Variants in AGBL4 observed in about 807,000 individuals in gnomAD.
AGBL4 encodes cytosolic carboxypeptidase 6.
In AGBL4, 58 loss-of-function variants were observed where a neutral mutation model predicts 66.4. The observed-to-expected ratio is 0.87, with a 90% CI of 0.71 to 1.09. The LOEUF (loss-of-function observed/expected upper bound fraction) is 1.09. Among genes scored for constraint, AGBL4 ranks in the 50% least tolerant of loss-of-function variants. The pLI, the probability that AGBL4 is intolerant of heterozygous loss-of-function variation, is 0.00. For synonymous variants in AGBL4, 234 were observed against 222.9 expected, an observed-to-expected ratio of 1.05 and a Z score of -0.44; for missense variants, 579 against 631.0, an observed-to-expected ratio of 0.92 and a Z score of 0.88.
intron 5 of AGBL4, among the ~76,000 whole-genome samples, chr1:48,934,513 A>G (rs72895634): frequency 0.1 from 15,901 of 152,202 alleles, 921 homozygotes; most frequent in African/African-American, 0.12. Context: ...CTTCAGACCC[A>G]AATACACAAC....
At chr1:48,812,960 T>G (rs1301248447) in intron 6 of AGBL4, among the ~76,000 whole-genome samples, 9 of 142,632 alleles carry the variant, frequency 6.3e-5, no homozygotes, top group Admixed American at 1.4e-4. Flanking sequence ...GGGACTGTTG[T>G]GGGGTGGGGG....
intron 4 of AGBL4, among the ~76,000 whole-genome samples, chr1:49,144,564 C>A (rs986756055): frequency 1.3e-5 from 2 of 149,014 alleles, no homozygotes; most frequent in African/African-American, 4.9e-5. Flanking sequence ...CACTCAAACA[C>A]AAATACACAT....
chr1:49,294,124 C>T lies in AGBL4; in HGVS notation c.283-48260G>A, dbSNP rs536571747. Among the ~76,000 whole-genome samples, 14 of 152,252 alleles carry T rather than the reference C, an allele frequency of 9.2e-5. No individual in the cohort carries two copies. In the South Asian group the frequency reaches 2.7e-3, roughly 29 times the overall value. ...GAGTAGGAAAATCTGTGTGCTATGTCACTTAGTTGCATGTTTTTGGAAAAG... is the reference window on the plus strand; with the variant it reads ...GAGTAGGAAAATCTGTGTGCTATGTTACTTAGTTGCATGTTTTTGGAAAAG... On this transcript the variant is annotated intron_variant, in intron 3 of 13. Transcript: ENST00000371839.
At chr1:49,588,023 C>T (rs1250418236) in intron 3 of AGBL4, among the ~76,000 whole-genome samples, 1 of 152,076 alleles carries the variant, frequency 6.6e-6, no homozygotes, top group Non-Finnish European at 1.5e-5. Context: ...AAGTTCCTCA[C>T]CCTTACTCTA....
chr1:49,642,123 T>C (rs1440739383), intron 3 of AGBL4, among the ~76,000 whole-genome samples: 1 of 151,976 alleles, frequency 6.6e-6, no homozygotes, highest in East Asian at 1.9e-4. Flanking sequence ...ATTAAGCTTA[T>C]TAGCAATAAT....
intron 11 of AGBL4, among the ~76,000 whole-genome samples, chr1:48,542,311 T>C (rs1644087102): frequency 6.6e-6 from 1 of 152,226 alleles, no homozygotes; most frequent in Admixed American, 6.5e-5. Context: ...TACGTGTGCA[T>C]GTGTCTTTAT....
chr1:49,904,500 G>C (rs1650071491), intron 1 of AGBL4, among the ~76,000 whole-genome samples: 1 of 152,090 alleles, frequency 6.6e-6, no homozygotes, highest in African/African-American at 2.4e-5. Flanking sequence ...TCATCAAAAT[G>C]AAGGCCAATT....
At chr1:49,731,122 CCT>C (rs1344573322) in intron 2 of AGBL4, among the ~76,000 whole-genome samples, 1 of 152,104 alleles carries the variant, frequency 6.6e-6, no homozygotes, top group African/African-American at 2.4e-5. Flanking sequence ...CCCTTGGCTC[CCT>C]CTCTGCCTAG....
intron 1 of AGBL4, among the ~76,000 whole-genome samples, chr1:49,935,621 T>A (rs1282026370): frequency 1.3e-5 from 2 of 152,074 alleles, no homozygotes; most frequent in African/African-American, 2.4e-5. Flanking sequence ...CATGGCCGGG[T>A]ACTCCTCTGA....
intron 1 of AGBL4, among the ~76,000 whole-genome samples, chr1:49,987,945 C>G (rs548122074): frequency 6.7e-6 from 1 of 150,006 alleles, no homozygotes; most frequent in Non-Finnish European, 1.5e-5. Flanking sequence ...AAAACATGTA[C>G]GAATTTAACC....
chr1:49,941,501 T>C (rs1367315585), intron 1 of AGBL4, among the ~76,000 whole-genome samples: 1 of 151,930 alleles, frequency 6.6e-6, no homozygotes, highest in Non-Finnish European at 1.5e-5. Flanking sequence ...ACAAACCAGA[T>C]TCAACAACAC....
chr1:48,975,951 C>T (rs1188582953), intron 5 of AGBL4, among the ~76,000 whole-genome samples: 2 of 152,066 alleles, frequency 1.3e-5, no homozygotes. Context: ...CTTTCCAGTG[C>T]TCAGAACTTC....
At chr1:49,286,209 T>C (rs955190315) in intron 3 of AGBL4, among the ~76,000 whole-genome samples, 3 of 152,172 alleles carry the variant, frequency 2.0e-5, no homozygotes, top group Admixed American at 6.5e-5. Flanking sequence ...ATGGGACATA[T>C]CTTAAAATAA....
At chr1:49,051,742 C>T (rs752388707) in intron 4 of AGBL4, among the ~76,000 whole-genome samples, 3 of 152,142 alleles carry the variant, frequency 2.0e-5, no homozygotes, top group Non-Finnish European at 2.9e-5. Flanking sequence ...CCAATCCTAT[C>T]TTCCACCAAA....
At chr1:49,236,396 G>A (rs1399775289) in intron 4 of AGBL4, among the ~76,000 whole-genome samples, 1 of 152,074 alleles carries the variant, frequency 6.6e-6, no homozygotes, top group Admixed American at 6.5e-5. Flanking sequence ...CTCTCCATGT[G>A]TCTTCTCACC....
At chr1:49,518,791 C>T (rs1430245101) in intron 3 of AGBL4, among the ~76,000 whole-genome samples, 1 of 151,998 alleles carries the variant, frequency 6.6e-6, no homozygotes, top group Admixed American at 6.6e-5. Context: ...TCACAAAATA[C>T]TTAAATGCAA....
chr1:49,147,834 G>A (rs147277680), intron 4 of AGBL4, among the ~76,000 whole-genome samples: 8 of 151,192 alleles, frequency 5.3e-5, no homozygotes, highest in South Asian at 4.2e-4. Context: ...GGGAAGGAGA[G>A]GGGGGGTGAC....
At chr1:49,722,335 G>T (rs1435969955) in intron 2 of AGBL4, among the ~76,000 whole-genome samples, 3 of 152,104 alleles carry the variant, frequency 2.0e-5, no homozygotes, top group Non-Finnish European at 4.4e-5. Flanking sequence ...CATAAAACCT[G>T]GAACTGCCCT....
intron 6 of AGBL4, among the ~76,000 whole-genome samples, chr1:48,764,371 C>T (rs564143935): frequency 1.3e-5 from 2 of 152,302 alleles, no homozygotes; most frequent in South Asian, 4.1e-4. Context: ...GTGTTAAAAA[C>T]TTGAGCAGAG....
Sources: gnomAD v4.1 joint callset for allele counts (sites outside exome capture counted in the v4.1 genomes callset) on GRCh38, gnomAD v4.1.1 for gene constraint, MANE v1.5 for transcripts, NCBI Gene and HGNC (gene_info 2026-07-23, HGNC 2026-07-21) for gene names.